NUCB2: variants seen among roughly 807,000 people sequenced by gnomAD.
The protein encoded by NUCB2 is nucleobindin-2.
Under a neutral mutation model 57.9 loss-of-function variants are expected in NUCB2, and 48 were observed. The observed-to-expected ratio is 0.83, with a 90% CI of 0.66 to 1.05. NUCB2 has a LOEUF of 1.05. Among genes scored for constraint, NUCB2 ranks in the 50% least tolerant of loss-of-function variants. The pLI is 0.00. For missense variants in NUCB2, 442 were observed against 476.2 expected (o/e 0.93, Z 0.67); for synonymous variants, 139 against 152.1 (o/e 0.91, Z 0.64).
chr11:17,323,622 T>C (rs2139284238), intron 11 of NUCB2, among the ~76,000 whole-genome samples: 1 of 152,364 alleles, frequency 6.6e-6, no homozygotes, highest in East Asian at 1.9e-4. Flanking sequence ...CCTTTAGTTT[T>C]TGGAATAGTT....
intron 11 of NUCB2, among the ~76,000 whole-genome samples, chr11:17,326,053 T>A (rs1421057024): frequency 6.6e-6 from 1 of 151,750 alleles, no homozygotes; most frequent in Non-Finnish European, 1.5e-5. Flanking sequence ...CAGGCTGGAG[T>A]GCAATGGCAA....
In NUCB2 at chr11:17,330,249, A is replaced by G. The variant is rs1951224338; in HGVS notation, c.1125A>G (p.Leu375=). The G allele has an allele frequency of 3.1e-6, 5 of 1,612,978 alleles. No individual in the cohort carries two copies. The highest frequency in any genetic ancestry group is 4.2e-6 in the Non-Finnish European group (5 of 1,179,704). Reference sequence around the variant, plus strand: ...AGCTTCAGAAACAAAAAGAAGAGCTACAACGTCAGCATGATCAACTGGAGG... The same window carrying G: ...AGCTTCAGAAACAAAAAGAAGAGCTGCAACGTCAGCATGATCAACTGGAGG... ...ADELQKQKEE[L]QRQHDQLEAQ... The change falls in exon 12 of 14, where the codon CTA becomes CTG. Residue 375 remains leucine, a synonymous_variant. Transcript: ENST00000529010. This position sits in a 1 kb window ranked among gnomAD's most constrained non-coding sequence, Gnocchi z 4.3.
intron 11 of NUCB2, among the ~76,000 whole-genome samples, chr11:17,321,091 T>A (rs1330174433): frequency 1.3e-5 from 2 of 152,224 alleles, no homozygotes; most frequent in Non-Finnish European, 2.9e-5. Context: ...TTATCCTTTG[T>A]GTTACAAACA....
exon 3 of NUCB2, chr11:17,349,925 GTC>G (rs1197831988): frequency 6.6e-6 from 1 of 152,198 alleles, no homozygotes; most frequent in African/African-American, 2.4e-5. Flanking sequence ...TGAATACCGT[GTC>G]TCAATGCTGT....
exon 3 of NUCB2, chr11:17,349,718 T>C (rs1052849688): frequency 1.3e-5 from 2 of 152,198 alleles, no homozygotes; most frequent in Admixed American, 6.5e-5. Flanking sequence ...AAAACAGATA[T>C]TGGTTGACAA....
intron 10 of NUCB2, among the ~76,000 whole-genome samples, 176 bp downstream of exon 10, chr11:17,312,296 C>T (rs1235547064): frequency 1.3e-5 from 2 of 151,032 alleles, no homozygotes; most frequent in African/African-American, 4.9e-5. Flanking sequence ...GGCAGTGGTG[C>T]AATCATGGCT....
intron 1 of NUCB2, chr11:17,337,262 G>T (rs997431390): frequency 5.3e-5 from 8 of 152,156 alleles, no homozygotes; most frequent in Admixed American, 2.0e-4. Flanking sequence ...TTTTAAGAGA[G>T]GGGTTAAAAA....
At chr11:17,303,411 A>G (rs1275650394) in intron 5 of NUCB2, among the ~76,000 whole-genome samples, 2 of 152,242 alleles carry the variant, frequency 1.3e-5, no homozygotes, top group Non-Finnish European at 2.9e-5. Flanking sequence ...ATTATAAATC[A>G]TCATATAAAT....
At chr11:17,288,534 C>T (rs1289450407) in intron 2 of NUCB2, among the ~76,000 whole-genome samples, 40 of 114,586 alleles carry the variant, frequency 3.5e-4, no homozygotes, top group African/African-American at 1.3e-3. Context: ...TTATCTTTTT[C>T]TTCTTCTTCT....
intron 2 of NUCB2, among the ~76,000 whole-genome samples, chr11:17,343,926 T>A (rs1299766593): frequency 6.6e-6 from 1 of 152,228 alleles, no homozygotes; most frequent in Non-Finnish European, 1.5e-5. Flanking sequence ...CCCTTTGATG[T>A]TCATAGTATG....
chr11:17,314,623 C>T (rs1016307628), intron 10 of NUCB2, among the ~76,000 whole-genome samples: 7 of 152,156 alleles, frequency 4.6e-5, no homozygotes, highest in African/African-American at 7.2e-5. Context: ...CCAATGACTA[C>T]GCTCATTTAA....
intron 11 of NUCB2, among the ~76,000 whole-genome samples, chr11:17,322,629 G>C (rs1451601552): frequency 6.6e-6 from 1 of 152,146 alleles, no homozygotes; most frequent in Admixed American, 6.5e-5. Context: ...AAATGTCATT[G>C]GGTATTTTGA....
chr11:17,342,344 C>A (rs1952343801), intron 2 of NUCB2, among the ~76,000 whole-genome samples: 2 of 151,942 alleles, frequency 1.3e-5, no homozygotes. Flanking sequence ...TTATTTCTTG[C>A]CTTCTGCTAG....
chr11:17,342,610 T>C (rs954668411), intron 2 of NUCB2, among the ~76,000 whole-genome samples: 2 of 150,604 alleles, frequency 1.3e-5, no homozygotes, highest in Admixed American at 6.6e-5. Context: ...AGTTTCCATG[T>C]AGTTGAGTGG....
intron 2 of NUCB2, among the ~76,000 whole-genome samples, chr11:17,347,113 T>C (rs1952807639): frequency 6.6e-6 from 1 of 152,156 alleles, no homozygotes; most frequent in Non-Finnish European, 1.5e-5. Context: ...CATCAATCAA[T>C]ATATGTAAGA....
At chr11:17,344,468 C>T (rs952888107) in intron 2 of NUCB2, among the ~76,000 whole-genome samples, 2 of 152,170 alleles carry the variant, frequency 1.3e-5, no homozygotes, top group Non-Finnish European at 2.9e-5. Flanking sequence ...CATTTTCCCA[C>T]TTTTGTATTG....
intron 2 of NUCB2, among the ~76,000 whole-genome samples, chr11:17,284,785 AT>A (rs1296213116): frequency 6.6e-6 from 1 of 151,992 alleles, no homozygotes; most frequent in Non-Finnish European, 1.5e-5. Flanking sequence ...ATGACTTTTA[AT>A]TTTTTTTAAT....
intron 4 of NUCB2, among the ~76,000 whole-genome samples, chr11:17,297,475 C>T (rs868045271): frequency 6.6e-6 from 1 of 152,042 alleles, no homozygotes; most frequent in African/African-American, 2.4e-5. Context: ...AATAATTCCC[C>T]GGAATTGTCT....
At chr11:17,306,103 T>G (rs1241148413) in intron 5 of NUCB2, among the ~76,000 whole-genome samples, 1 of 152,216 alleles carries the variant, frequency 6.6e-6, no homozygotes, top group African/African-American at 2.4e-5. Flanking sequence ...TGTATTATCT[T>G]GGAATGAACT....
Sources: gnomAD v4.1 joint callset for allele counts (sites outside exome capture counted in the v4.1 genomes callset) on GRCh38, gnomAD v4.1.1 for gene constraint, Gnocchi (gnomAD v3.1) non-coding constraint, MANE v1.5 for transcripts, NCBI Gene and HGNC (gene_info 2026-07-23, HGNC 2026-07-21) for gene names.